RAD54L: variants seen among roughly 807,000 people sequenced by gnomAD.
The protein encoded by RAD54L is RAD54 like.
In RAD54L, 74 loss-of-function variants were observed where a neutral mutation model predicts 91.6. The ratio of observed to expected loss-of-function variants is 0.81; its 90% CI spans 0.67 to 0.98. RAD54L has a LOEUF of 0.98. Ranked by LOEUF, RAD54L falls within the 50% of genes least tolerant of loss-of-function variation. The pLI is 0.00. For synonymous variants in RAD54L, 304 were observed against 349.7 expected, an observed-to-expected ratio of 0.87 and a Z score of 1.46; for missense variants, 887 against 945.7, an observed-to-expected ratio of 0.94 and a Z score of 0.81.
chr1:46,274,577 G>A lies in RAD54L; in HGVS notation c.1729G>A (p.Gly577Ser). The A allele has an allele frequency of 6.2e-7, 1 of 1,613,468 alleles. No homozygotes were observed. Among genetic ancestry groups the A allele is most frequent in the South Asian group, 1.1e-5 (1 of 91,028 alleles). Residue 577 changes from glycine (G) to serine (S), a missense_variant, in exon 16 of 18, where the codon GGC (glycine) becomes AGC (serine). Coordinates refer to ENST00000371975, the MANE Select transcript of RAD54L (RefSeq NM_003579.4). ...CTTCATGCTGAGCAGCAAAGCTGGGGGCTGTGGCCTCAATCTCATTGGGGC... is the reference window on the plus strand; with the variant it reads ...CTTCATGCTGAGCAGCAAAGCTGGGAGCTGTGGCCTCAATCTCATTGGGGC... ...FVFMLSSKAG[G>S]CGLNLIGANR...
Position 46,265,175 on chromosome 1 carries a change from T to C in RAD54L, c.892-2284T>C. On this transcript the variant is annotated intron_variant, in intron 8 of 17. Transcript: ENST00000371975. This position sits in a 1 kb window ranked among gnomAD's most constrained non-coding sequence, Gnocchi z 4.8. ...GGCTAGTACTTGGAGCCTCTAATAATTTTTTTTTTCTTAATTAAATTTCTA... is the reference window on the plus strand; with the variant it reads ...GGCTAGTACTTGGAGCCTCTAATAACTTTTTTTTTCTTAATTAAATTTCTA... 8.8e-6 allele frequency among the ~76,000 whole-genome samples: 1 copy of C among 113,142 alleles called. No individual in the cohort carries two copies. Among genetic ancestry groups the C allele is most frequent in the Non-Finnish European group, 2.1e-5 (1 of 48,632 alleles). The allele number at this position is 113,142 out of a possible 152,430, so 74.2% of individuals were successfully genotyped here. A position where few individuals can be genotyped will look rare whatever the true frequency, so the allele number is the denominator to read the frequency against.
Position 46,260,530 on chromosome 1 carries a change from G to A in RAD54L, c.408-12G>A, listed in dbSNP as rs764507127. 1 of 1,613,446 alleles carries A rather than the reference G, an allele frequency of 6.2e-7. No individual in the cohort carries two copies. Among genetic ancestry groups the A allele is most frequent in the South Asian group, 1.1e-5 (1 of 91,044 alleles). On this transcript the variant is annotated splice_polypyrimidine_tract_variant and intron_variant, in intron 5 of 17. Coordinates refer to ENST00000371975, the MANE Select transcript of RAD54L (RefSeq NM_003579.4). ...GTCTGAGCACGCTGTTTTCTTTGCT[G>A]TGTTTTCTCAGGGAGAAACTCCCTG...
At chr1:46,273,846 TA>T in intron 14 of RAD54L, 99 bp downstream of exon 14, 2 of 1,497,390 alleles carry the variant, frequency 1.3e-6, no homozygotes, top group Non-Finnish European at 1.8e-6. Context: ...TCTGGGCACA[TA>T]AGGGCTTTCC....
chr1:46,256,264 T>G (rs1002672087), intron 3 of RAD54L, among the ~76,000 whole-genome samples: 1 of 151,746 alleles, frequency 6.6e-6, no homozygotes, highest in Non-Finnish European at 1.5e-5. Context: ...ACGGGGTGTG[T>G]GGGGGGGTCT....
Position 46,258,743 on chromosome 1 carries a change from C to G in RAD54L, c.268C>G (p.Gln90Glu). ...KPFKVPIPNYQGPLGSRALGL... is the reference protein window; with the variant it reads ...KPFKVPIPNYEGPLGSRALGL... The stretch of plus-strand genomic sequence containing the variant: ...TTTCAAAGTCCCCATTCCAAATTAT[C>G]AAGGTAAAATGGAGGTTTTTCTGTT... Residue 90 changes from glutamine (Q) to glutamate (E), a missense_variant, in exon 4 of 18, where the codon CAA becomes GAA. Transcript: ENST00000371975. The G allele has an allele frequency of 6.3e-7, 1 of 1,595,982 alleles. No homozygotes were observed. The highest frequency in any genetic ancestry group is 8.6e-7 in the Non-Finnish European group (1 of 1,163,482).
intron 2 of RAD54L, among the ~76,000 whole-genome samples, chr1:46,249,226 C>T (rs1295514748): frequency 6.6e-6 from 1 of 152,154 alleles, no homozygotes; most frequent in Non-Finnish European, 1.5e-5. Flanking sequence ...GGATCAGCTA[C>T]GCAAGGACTA....
intron 16 of RAD54L, among the ~76,000 whole-genome samples, chr1:46,276,623 C>T (rs1225295095): frequency 6.6e-6 from 1 of 152,226 alleles, no homozygotes; most frequent in Non-Finnish European, 1.5e-5. Context: ...TCTCCAAGCC[C>T]TCCTGAGGTC....
chr1:46,270,072 CAAAAAA>C (rs113136605), intron 9 of RAD54L, among the ~76,000 whole-genome samples: 1 of 139,790 alleles, frequency 7.2e-6, no homozygotes, highest in Non-Finnish European at 1.6e-5. Flanking sequence ...GAACCTGTCT[CAAAAAA>C]AAAAAAATTG....
Position 46,263,910 on chromosome 1 carries a change from G to C in RAD54L, c.891+2525G>C, listed in dbSNP as rs1441107714. Among the ~76,000 whole-genome samples, 1 of 151,996 alleles carries C rather than the reference G, an allele frequency of 6.6e-6. No individual in the cohort carries two copies. Among genetic ancestry groups the C allele is most frequent in the Non-Finnish European group, 1.5e-5 (1 of 68,018 alleles). On this transcript the variant is annotated intron_variant, in intron 8 of 17. Coordinates refer to ENST00000371975, the MANE Select transcript of RAD54L (RefSeq NM_003579.4). The surrounding 1 kb of genome is among the most constrained non-coding windows in gnomAD (Gnocchi z 4.3). ...CCTCCCATATTTAAGTAATTCTCCT[G>C]CCTCAGCCACCCGAGTAGCTGATAT...
At chr1:46,249,403 C>T (rs1332875379) in intron 2 of RAD54L, among the ~76,000 whole-genome samples, 2 of 152,140 alleles carry the variant, frequency 1.3e-5, no homozygotes, top group African/African-American at 4.8e-5. Context: ...AATAGTTGTA[C>T]CGTGGTGTGC....
In RAD54L at chr1:46,248,157, CT is replaced by C; in HGVS notation, c.-247del. On this transcript the variant is annotated 5_prime_UTR_variant, in exon 1 of 18. Coordinates refer to ENST00000371975, the MANE Select transcript of RAD54L (RefSeq NM_003579.4). ...CTCCCCAATCCCACACTAATCTCTG[CT>C]TGGTCTCTTCCTCTTTGGCCTAATC... The C allele has an allele frequency of 1.6e-6, 1 of 613,756 alleles. No individual in the cohort carries two copies. Among genetic ancestry groups the C allele is most frequent in the Non-Finnish European group, 3.0e-6 (1 of 338,756 alleles). 38.0% of individuals were successfully genotyped at this position (613,756 alleles called of 1,614,324 possible).
Position 46,277,858 on chromosome 1 carries a change from C to T in RAD54L, c.1911C>T (p.His637=), listed in dbSNP as rs1412503443. The T allele has an allele frequency of 1.2e-6, 2 of 1,613,046 alleles. No individual in the cohort carries two copies. The highest frequency in any genetic ancestry group is 1.3e-5 in the African/African-American group (1 of 75,012). ...AGAAGATCTTCCAGCGTCAGAGCCACAAGAAGGCACTGAGCAGCTGTGTGG... is the reference window on the plus strand; with the variant it reads ...AGAAGATCTTCCAGCGTCAGAGCCATAAGAAGGCACTGAGCAGCTGTGTGG... The part of the protein sequence containing the change: ...IEEKIFQRQS[H]KKALSSCVVD... Residue 637 remains histidine, a synonymous_variant, in exon 17 of 18, where the codon CAC becomes CAT. Transcript: ENST00000371975.
intron 8 of RAD54L, 135 bp downstream of exon 8, chr1:46,261,520 G>GCTCTCCCTGTCACTT: frequency 1.7e-6 from 2 of 1,152,958 alleles, no homozygotes; most frequent in African/African-American, 1.5e-5. Context: ...CAAGTGACAG[G>GCTCTCCCTGTCACTT]GAGAGCCTGT....
intron 3 of RAD54L, among the ~76,000 whole-genome samples, chr1:46,257,269 T>C (rs1375519265): frequency 6.6e-6 from 1 of 152,162 alleles, no homozygotes; most frequent in Non-Finnish European, 1.5e-5. Context: ...TTGCTTTTTT[T>C]CCTATTAGAC....
In RAD54L at chr1:46,270,729, G is replaced by C; in HGVS notation, c.1113G>C (p.Glu371Asp). 6.2e-7 allele frequency: 1 copy of C among 1,614,248 alleles called. No individual in the cohort carries two copies. Among genetic ancestry groups the C allele is most frequent in the Non-Finnish European group, 8.5e-7 (1 of 1,180,042 alleles). Residue 371 changes from glutamate to aspartate, a missense_variant, in exon 10 of 18, where the codon GAG (glutamate) becomes GAC (aspartate). Physicochemically the swap from Glu to Asp is conservative, Grantham distance 45. Coordinates refer to ENST00000371975, the MANE Select transcript of RAD54L (RefSeq NM_003579.4). ...AGGGTCGAGACGCTGCTGCTAGTGA[G>C]GCAGACAGGCAGCTAGGAGAGGAGC... ...ILKGRDAAAS[E>D]ADRQLGEERL...
At position 46,273,612 on chromosome 1, in the gene RAD54L, T is replaced by C. The variant is rs771392944; in HGVS notation, c.1487-12T>C. 1 of 1,613,186 alleles carries C rather than the reference T, an allele frequency of 6.2e-7. No individual in the cohort carries two copies. The highest frequency in any genetic ancestry group is 8.5e-7 in the Non-Finnish European group (1 of 1,180,024). ...CAGCCAGTAGGGGACTGCTGGTTGC[T>C]GCTCTTCCCAGGTAAGATGCTGGTC... On this transcript the variant is annotated splice_polypyrimidine_tract_variant and intron_variant, in intron 13 of 17. Transcript: ENST00000371975.
In RAD54L at chr1:46,270,686, T is replaced by C. The variant is rs1373008164; in HGVS notation, c.1070T>C (p.Phe357Ser). The part of the protein sequence containing the change: ...LGTAHEFKKH[F>S]ELPILKGRDA... The stretch of plus-strand genomic sequence containing the variant: ...ACTGCCCATGAATTCAAGAAGCATT[T>C]TGAATTGCCAATTTTGAAGGGTCGA... The change falls in exon 10 of 18, where the codon TTT (phenylalanine) becomes TCT (serine). Residue 357 changes from phenylalanine to serine, a missense_variant. Coordinates refer to ENST00000371975, the MANE Select transcript of RAD54L (RefSeq NM_003579.4). The C allele has an allele frequency of 8.1e-6, 13 of 1,611,616 alleles. No homozygotes were observed. Among genetic ancestry groups the C allele is most frequent in the Non-Finnish European group, 1.1e-5 (13 of 1,180,014 alleles).
chr1:46,253,476 C>T (rs531609745), intron 3 of RAD54L, among the ~76,000 whole-genome samples: 1 of 152,152 alleles, frequency 6.6e-6, no homozygotes, highest in East Asian at 1.9e-4. Context: ...AAAAAATTAG[C>T]TGGGTGTGGT....
intron 7 of RAD54L, 55 bp from the exon 8 acceptor site, chr1:46,261,206 T>TG: frequency 6.3e-7 from 1 of 1,589,858 alleles, no homozygotes; most frequent in East Asian, 2.2e-5. Context: ...TTTTTTTTGT[T>TG]TTTTTTTTTT....
Sources: gnomAD v4.1 joint callset for allele counts (sites outside exome capture counted in the v4.1 genomes callset) on GRCh38, gnomAD v4.1.1 for gene constraint, Gnocchi (gnomAD v3.1) non-coding constraint, MANE v1.5 for transcripts, NCBI Gene and HGNC (gene_info 2026-07-23, HGNC 2026-07-21) for gene names.